Variants in STXBP6 observed in about 807,000 individuals in gnomAD.
STXBP6 encodes syntaxin binding protein 6, also known as syntaxin-binding protein 6.
In STXBP6, 21 loss-of-function variants were observed where a neutral mutation model predicts 26.9. The ratio of observed to expected loss-of-function variants is 0.78; its 90% CI spans 0.55 to 1.12. The LOEUF (loss-of-function observed/expected upper bound fraction) is 1.12. Among genes scored for constraint, STXBP6 ranks in the 50% most tolerant of loss-of-function variants. The probability of loss-of-function intolerance (pLI) is 0.00; values close to 1 mark genes in which losing one functional copy is unlikely to be tolerated. For missense variants in STXBP6, 232 were observed against 257.9 expected, an observed-to-expected ratio of 0.90 and a Z score of 0.69; for synonymous variants, 97 against 92.6, an observed-to-expected ratio of 1.05 and a Z score of -0.27.
At chr14:24,833,572 T>C (rs2068522343) in intron 4 of STXBP6, among the ~76,000 whole-genome samples, 1 of 152,246 alleles carries the variant, frequency 6.6e-6, no homozygotes, top group Non-Finnish European at 1.5e-5. Context: ...TATAAGGATG[T>C]GATGAGGTTA....
In STXBP6 at chr14:24,809,564, A is replaced by G. The variant is rs1223304625; in HGVS notation, c.*3145T>C. The G allele has an allele frequency of 2.0e-5, 3 of 152,362 alleles. No homozygotes were observed. The South Asian group carries it at 6.2e-4, about 32-fold the overall frequency. The allele number at this position is 152,362 out of a possible 1,614,324, so 9.4% of individuals were successfully genotyped here. On this transcript the variant is annotated 3_prime_UTR_variant, in exon 6 of 6. Transcript: ENST00000323944. ...AGTTCTGAGGTTTCCCCTTAGGCAC[A>G]TAAGATTTTCCTATTAGCATAAAAA...
At chr14:24,978,805 A>C (rs1262003642) in intron 1 of STXBP6, among the ~76,000 whole-genome samples, 4 of 152,162 alleles carry the variant, frequency 2.6e-5, no homozygotes, top group Non-Finnish European at 5.9e-5. Flanking sequence ...ATGCCTTTCC[A>C]CTGCCCAAGT....
intron 2 of STXBP6, among the ~76,000 whole-genome samples, chr14:24,904,575 A>G (rs1355846775): frequency 6.6e-6 from 1 of 152,184 alleles, no homozygotes; most frequent in African/African-American, 2.4e-5. Context: ...AGGGCCTTTA[A>G]AAAGGTAATA....
intron 1 of STXBP6, among the ~76,000 whole-genome samples, chr14:24,979,461 C>T (rs188496597): frequency 1.0e-3 from 159 of 152,282 alleles, no homozygotes; most frequent in African/African-American, 3.7e-3. Flanking sequence ...CCTACTTCAA[C>T]GGAACTTCAG....
intron 2 of STXBP6, among the ~76,000 whole-genome samples, chr14:24,942,281 G>A (rs2072830592): frequency 6.6e-6 from 1 of 152,172 alleles, no homozygotes; most frequent in Non-Finnish European, 1.5e-5. Context: ...AAATGGTGCT[G>A]TCTGAGCCTC....
At chr14:24,947,277 G>A (rs2073023692) in intron 2 of STXBP6, among the ~76,000 whole-genome samples, 1 of 152,174 alleles carries the variant, frequency 6.6e-6, no homozygotes, top group Admixed American at 6.6e-5. Context: ...AAGAAGCTGT[G>A]GCTTATGCTC....
At chr14:24,967,428 T>C (rs2073770063) in intron 2 of STXBP6, among the ~76,000 whole-genome samples, 2 of 152,188 alleles carry the variant, frequency 1.3e-5, no homozygotes, top group Non-Finnish European at 2.9e-5. Flanking sequence ...CTAGAAAATG[T>C]TTCAGAGGAA....
chr14:24,905,885 G>A (rs2071369721), intron 2 of STXBP6, among the ~76,000 whole-genome samples: 1 of 152,060 alleles, frequency 6.6e-6, no homozygotes, highest in Non-Finnish European at 1.5e-5. Context: ...TACAGAATAT[G>A]GTGTCAAGAT....
At chr14:24,854,635 A>T (rs2069263804) in intron 4 of STXBP6, among the ~76,000 whole-genome samples, 1 of 152,088 alleles carries the variant, frequency 6.6e-6, no homozygotes, top group African/African-American at 2.4e-5. Context: ...CATTCACTGA[A>T]AATGTGGCCC....
At chr14:24,871,178 C>T (rs854343) in intron 2 of STXBP6, among the ~76,000 whole-genome samples, 133,418 of 152,104 alleles carry the variant, frequency 0.88, 59,553 homozygotes, top group Non-Finnish European at 0.97. Context: ...AAAAAGCTAT[C>T]TCCTTTCCTC....
At chr14:25,021,029 A>G (rs570950157) in intron 1 of STXBP6, among the ~76,000 whole-genome samples, 8 of 152,014 alleles carry the variant, frequency 5.3e-5, no homozygotes, top group African/African-American at 1.7e-4. Flanking sequence ...CATTCTCACC[A>G]TTCTCTCACT....
chr14:24,939,608 A>T (rs2139976941), intron 2 of STXBP6, among the ~76,000 whole-genome samples: 1 of 152,322 alleles, frequency 6.6e-6, no homozygotes, highest in South Asian at 2.1e-4. Context: ...TGTATACTTC[A>T]CATGTACTGT....
chr14:24,816,975 A>C (rs2067998085), intron 5 of STXBP6: 1 of 152,192 alleles, frequency 6.6e-6, no homozygotes, highest in Non-Finnish European at 1.5e-5. Context: ...TATATGTGCT[A>C]CATACTGTGC....
At chr14:24,881,956 G>A (rs576829192) in intron 2 of STXBP6, among the ~76,000 whole-genome samples, 3 of 152,168 alleles carry the variant, frequency 2.0e-5, no homozygotes, top group Non-Finnish European at 4.4e-5. Context: ...TGCAAATCAG[G>A]AAGTTAGTTT....
intron 2 of STXBP6, among the ~76,000 whole-genome samples, chr14:24,939,889 C>T (rs1488367006): frequency 6.6e-6 from 1 of 152,064 alleles, no homozygotes; most frequent in Non-Finnish European, 1.5e-5. Flanking sequence ...GCTTGATAGC[C>T]ACATAGAGCT....
intron 2 of STXBP6, among the ~76,000 whole-genome samples, chr14:24,917,457 A>C (rs990504184): frequency 6.6e-6 from 1 of 152,086 alleles, no homozygotes; most frequent in Non-Finnish European, 1.5e-5. Context: ...TCAAACACCA[A>C]TCGCACCATA....
At chr14:24,916,563 T>C (rs1310568297) in intron 2 of STXBP6, among the ~76,000 whole-genome samples, 1 of 152,108 alleles carries the variant, frequency 6.6e-6, no homozygotes, top group African/African-American at 2.4e-5. Flanking sequence ...CTGGAATTGG[T>C]TTGTTTGCTT....
chr14:24,974,104 G>GAA (rs534509876), intron 2 of STXBP6, among the ~76,000 whole-genome samples: 6 of 136,950 alleles, frequency 4.4e-5, no homozygotes, highest in South Asian at 4.6e-4. Context: ...GAAAGAGAAA[G>GAA]AAAAAAAAAA....
At chr14:24,856,927 T>G in intron 3 of STXBP6, 100 bp downstream of exon 3, 1 of 1,401,406 alleles carries the variant, frequency 7.1e-7, no homozygotes, top group Non-Finnish European at 9.6e-7. Flanking sequence ...GAAATAGCCT[T>G]CTTAAGAATG....
Sources: allele counts gnomAD v4.1 joint callset (sites outside exome capture counted in the v4.1 genomes callset), GRCh38; gene constraint gnomAD v4.1.1; transcripts MANE v1.5; gene names NCBI Gene and HGNC (gene_info 2026-07-23, HGNC 2026-07-21).